RBSN: variants seen among roughly 807,000 people sequenced by gnomAD.
RBSN encodes the protein rabenosyn, RAB effector, also known as rabenosyn-5.
A neutral mutation model predicts 60.5 loss-of-function variants in RBSN; 34 were observed. That is an observed-to-expected ratio of 0.56 (90% CI 0.43 to 0.75). The LOEUF (loss-of-function observed/expected upper bound fraction) is 0.75, where lower values mean the gene tolerates loss of function less well. Among genes scored for constraint, RBSN ranks in the 30% least tolerant of loss-of-function variants. RBSN has a pLI of 0.00. For missense variants in RBSN, 845 were observed against 986.8 expected (o/e 0.86, Z 1.92); for synonymous variants, 322 against 366.9 (o/e 0.88, Z 1.40).
At chr3:15,088,583 T>C (rs1176396504) in intron 5 of RBSN, among the ~76,000 whole-genome samples, 1 of 152,084 alleles carries the variant, frequency 6.6e-6, no homozygotes, top group Non-Finnish European at 1.5e-5. Flanking sequence ...GGTTTCACCA[T>C]ATTGGCCAGG....
At position 15,073,763 on chromosome 3, in the gene RBSN, G is replaced by T. The variant is rs3831; in HGVS notation, c.*19C>A. The T allele has an allele frequency of 0.24, 378,740 of 1,579,038 alleles. 48,230 individuals are homozygous for T. The highest frequency in any genetic ancestry group is 0.27 in the Middle Eastern group (1,394 of 5,138). ...TCCTGCCAGACCCCTGGGCCCAAAG[G>T]TGCCCTCTCCACTGCTGGTCAGTCA... On this transcript the variant is annotated 3_prime_UTR_variant, in exon 14 of 14. Transcript: ENST00000253699.
intron 4 of RBSN, among the ~76,000 whole-genome samples, chr3:15,094,235 C>A (rs1357936988): frequency 6.6e-6 from 1 of 152,200 alleles, no homozygotes; most frequent in Admixed American, 6.5e-5. Flanking sequence ...AGACTGGAAG[C>A]TAGTTGAAAA....
In RBSN at chr3:15,071,469, T is replaced by C. The variant is rs747504695; in HGVS notation, c.*2313A>G. On this transcript the variant is annotated 3_prime_UTR_variant, in exon 14 of 14. Transcript: ENST00000253699. ...AAAGAGGCCTGTACCAGGCAACATC[T>C]TAGATGCCTGGTTGCCAACTTCTCA... The C allele has an allele frequency of 5.3e-5, 8 of 152,190 alleles. No individual in the cohort carries two copies. The highest frequency in any genetic ancestry group is 1.2e-4 in the Non-Finnish European group (8 of 68,032). 9.4% of individuals were successfully genotyped at this position (152,190 alleles called of 1,614,324 possible).
intron 5 of RBSN, among the ~76,000 whole-genome samples, chr3:15,086,823 C>T (rs2043355589): frequency 6.6e-6 from 1 of 152,188 alleles, no homozygotes; most frequent in Non-Finnish European, 1.5e-5. Flanking sequence ...CTTCCTCAGT[C>T]CAGCAGCCAA....
At chr3:15,091,155 A>G (rs2043503057) in intron 4 of RBSN, among the ~76,000 whole-genome samples, 1 of 134,774 alleles carries the variant, frequency 7.4e-6, no homozygotes, top group African/African-American at 2.7e-5. Flanking sequence ...GGCTGCAGTG[A>G]GCTGAGATTG....
chr3:15,083,612 A>G (rs2043261975), intron 8 of RBSN, among the ~76,000 whole-genome samples: 2 of 151,886 alleles, frequency 1.3e-5, no homozygotes, highest in African/African-American at 4.8e-5. Context: ...TCTACCTAAA[A>G]TGTCCTCTTT....
intron 13 of RBSN, 44 bp downstream of exon 13, chr3:15,075,562 G>C: frequency 6.5e-7 from 1 of 1,546,524 alleles, no homozygotes; most frequent in Non-Finnish European, 8.9e-7. Flanking sequence ...CTGTGCTTGA[G>C]AGCCACAGGA....
chr3:15,083,744 G>C (rs1372823200), intron 8 of RBSN, among the ~76,000 whole-genome samples: 1 of 151,988 alleles, frequency 6.6e-6, no homozygotes, highest in Non-Finnish European at 1.5e-5. Flanking sequence ...CTCATATTAT[G>C]ATATTAGTCT....
chr3:15,080,651 A>AT, intron 10 of RBSN, 81 bp downstream of exon 10: 1 of 1,394,470 alleles, frequency 7.2e-7, no homozygotes. Context: ...TAAGATTTTC[A>AT]TTTTTGGCTA....
intron 13 of RBSN, 103 bp from the exon 14 acceptor site, chr3:15,075,033 C>T: frequency 7.6e-7 from 1 of 1,322,902 alleles, no homozygotes; most frequent in Non-Finnish European, 1.0e-6. Context: ...GCCAGTGACA[C>T]TCCAATTTCT....
rs562630054 is a variant in RBSN, at chr3:15,098,494, G to A, written c.-500-220C>T. 4.4e-3 allele frequency among the ~76,000 whole-genome samples: 558 copies of A among 127,972 alleles called. 6 individuals are homozygous for A. The highest frequency in any genetic ancestry group is 6.8e-3 in the Non-Finnish European group (431 of 63,366). The allele number at this position is 127,972 out of a possible 152,430, so 84.0% of individuals were successfully genotyped here. On this transcript the variant is annotated intron_variant, in intron 1 of 13. Transcript: ENST00000253699. ...ATAAAAAAAATAAATATAGCTACAT[G>A]TTCTGCAGCCGTACATCCAGCATGA...
chr3:15,089,964 GAA>G, intron 5 of RBSN, among the ~76,000 whole-genome samples: 1 of 152,240 alleles, frequency 6.6e-6, no homozygotes, highest in East Asian at 1.9e-4. Context: ...CCAAAAACAT[GAA>G]AGTAGGTAGA....
chr3:15,097,257 G>A lies in RBSN; in HGVS notation c.-344-547C>T, dbSNP rs144688337. Among the ~76,000 whole-genome samples the A allele has an allele frequency of 3.3e-3, 497 of 152,332 alleles. 3 individuals are homozygous for A. Among genetic ancestry groups the A allele is most frequent in the African/African-American group, 0.011 (471 of 41,590 alleles). Reference sequence around the variant, plus strand: ...TGGCCAGGCATGGTGGCTCAAGCCTGTAATCCCAGCACTTTGGGAGGCCAA... The same window carrying A: ...TGGCCAGGCATGGTGGCTCAAGCCTATAATCCCAGCACTTTGGGAGGCCAA... On this transcript the variant is annotated intron_variant, in intron 2 of 13. Transcript: ENST00000253699.
intron 9 of RBSN, among the ~76,000 whole-genome samples, chr3:15,081,869 C>T (rs892379805): frequency 2.0e-5 from 3 of 152,184 alleles, no homozygotes; most frequent in Admixed American, 6.5e-5. Context: ...AGTAGGGGGG[C>T]TGTGGGATCA....
chr3:15,075,260 A>G (rs1168538127), intron 13 of RBSN: 3 of 593,022 alleles, frequency 5.1e-6, no homozygotes, highest in Non-Finnish European at 9.2e-6. Context: ...TTAAATACAC[A>G]TATAATTTTC....
At position 15,082,328 on chromosome 3, in the gene RBSN, C is replaced by T. The variant is rs764030214; in HGVS notation, c.840+39G>A. ...TGTACATAACAAACAGCCAAATCTG[C>T]CTAAGAAATTAGACCCAAGACCAGA... On this transcript the variant is annotated intron_variant, in intron 9 of 13. Transcript: ENST00000253699. This position sits in a 1 kb window ranked among gnomAD's most constrained non-coding sequence, Gnocchi z 4.2. 3.1e-6 allele frequency: 5 copies of T among 1,594,094 alleles called. No individual in the cohort carries two copies. Among genetic ancestry groups the T allele is most frequent in the South Asian group, 2.2e-5 (2 of 90,222 alleles).
rs1219802370 is a variant in RBSN at position 15,070,500 on chromosome 3, G to A, written c.*3282C>T. The A allele has an allele frequency of 5.2e-5, 8 of 152,624 alleles. No homozygotes were observed. In the East Asian group the frequency reaches 1.5e-3, roughly 29 times the overall value. 9.5% of individuals were successfully genotyped at this position (152,624 alleles called of 1,614,324 possible). ...TGCCATATCAAGACCTTGCTCATCT[G>A]GTGATGAGACGGGGCTGTTTGCCTT... On this transcript the variant is annotated 3_prime_UTR_variant, in exon 14 of 14. Transcript: ENST00000253699.
intron 10 of RBSN, among the ~76,000 whole-genome samples, chr3:15,078,802 AT>A: frequency 9.1e-6 from 1 of 109,438 alleles, no homozygotes; most frequent in Non-Finnish European, 1.8e-5. Flanking sequence ...ATATATATAT[AT>A]ATATATATAT....
rs2043089296 is a variant in RBSN, at chr3:15,077,705, T to G, written c.998+370A>C. On this transcript the variant is annotated intron_variant, in intron 11 of 13. Transcript: ENST00000253699. This position sits in a 1 kb window ranked among gnomAD's most constrained non-coding sequence, Gnocchi z 4.4. ...CAAAGAAAGAACCTGAGTTTCTATC[T>G]TCACTCCACAATTTTTGCTATCTGT... 6.6e-6 allele frequency among the ~76,000 whole-genome samples: 1 copy of G among 152,214 alleles called. No individual in the cohort carries two copies. The highest frequency in any genetic ancestry group is 6.5e-5 in the Admixed American group (1 of 15,280).
Sources: gnomAD v4.1 joint callset for allele counts (sites outside exome capture counted in the v4.1 genomes callset) on GRCh38, gnomAD v4.1.1 for gene constraint, Gnocchi (gnomAD v3.1) non-coding constraint, MANE v1.5 for transcripts, NCBI Gene and HGNC (gene_info 2026-07-23, HGNC 2026-07-21) for gene names.